SDK1: variants seen among roughly 807,000 people sequenced by gnomAD.
SDK1 encodes protein sidekick-1.
In SDK1, 157 loss-of-function variants were observed where a neutral mutation model predicts 245.5. The observed-to-expected ratio is 0.64, with a 90% confidence interval of 0.56 to 0.73. The LOEUF (loss-of-function observed/expected upper bound fraction) is 0.73. SDK1 is among the 30% of genes least tolerant of loss of function. SDK1 has a pLI of 0.00. For synonymous variants in SDK1, 1,647 were observed against 1,278.5 expected (o/e 1.29, Z -6.15); for missense variants, 3,583 against 3,002.3 (o/e 1.19, Z -4.52).
intron 4 of SDK1, among the ~76,000 whole-genome samples, chr7:3,751,027 C>T (rs528439278): frequency 2.8e-4 from 42 of 152,250 alleles, no homozygotes; most frequent in African/African-American, 9.6e-4. Flanking sequence ...GTGGGCCTGC[C>T]CCCCACCATC....
intron 1 of SDK1, among the ~76,000 whole-genome samples, chr7:3,501,341 C>T (rs1782206401): frequency 1.3e-5 from 2 of 150,978 alleles, no homozygotes; most frequent in African/African-American, 4.9e-5. Context: ...CCAACTTGCT[C>T]TTTCCAACTT....
chr7:3,732,321 A>G lies in SDK1; in HGVS notation c.714-89129A>G, dbSNP rs767391484. On this transcript the variant is annotated intron_variant, in intron 4 of 44. Transcript: ENST00000404826. ...ATAGGCATGTGTAAATAAGAAGAAT[A>G]TATCTTTGTCAAAAAACAGCCACCA... Among the ~76,000 whole-genome samples, 4 of 152,212 alleles carry G rather than the reference A, an allele frequency of 2.6e-5. No individual in the cohort carries two copies. The East Asian group carries it at 5.8e-4, about 22-fold the overall frequency.
intron 4 of SDK1, among the ~76,000 whole-genome samples, chr7:3,816,910 G>C (rs1190641214): frequency 6.6e-6 from 1 of 151,902 alleles, no homozygotes; most frequent in Non-Finnish European, 1.5e-5. Context: ...CCTGCACGCT[G>C]ACCTTCTGTT....
chr7:4,065,496 A>G (rs1210746864), intron 19 of SDK1, among the ~76,000 whole-genome samples: 3 of 152,166 alleles, frequency 2.0e-5, no homozygotes, highest in East Asian at 1.9e-4. Flanking sequence ...TTCCTTCTCC[A>G]TCGATTGAAA....
intron 1 of SDK1, among the ~76,000 whole-genome samples, chr7:3,427,455 G>T (rs1472253644): frequency 6.6e-6 from 1 of 150,940 alleles, no homozygotes; most frequent in Admixed American, 6.6e-5. Context: ...GGAGAGGGAG[G>T]TTGCAGTGAG....
chr7:4,124,566 C>T (rs975526823), intron 25 of SDK1, among the ~76,000 whole-genome samples: 1 of 152,218 alleles, frequency 6.6e-6, no homozygotes, highest in African/African-American at 2.4e-5. Flanking sequence ...GTTACATCTG[C>T]AACAACTGTG....
At chr7:3,379,499 G>T (rs1317801762) in intron 1 of SDK1, among the ~76,000 whole-genome samples, 1 of 152,142 alleles carries the variant, frequency 6.6e-6, no homozygotes, top group Non-Finnish European at 1.5e-5. Context: ...ACAGGATGGG[G>T]AAAGACCTTT....
At chr7:3,539,086 A>G (rs1778979075) in intron 1 of SDK1, among the ~76,000 whole-genome samples, 1 of 152,206 alleles carries the variant, frequency 6.6e-6, no homozygotes, top group African/African-American at 2.4e-5. Context: ...AGACAAGAAG[A>G]CCAAAAGCAG....
intron 1 of SDK1, among the ~76,000 whole-genome samples, chr7:3,567,645 C>T (rs750674182): frequency 4.6e-5 from 7 of 152,130 alleles, no homozygotes; most frequent in Non-Finnish European, 8.8e-5. Flanking sequence ...TTTAATTCTT[C>T]GTTTGTATCA....
At chr7:3,572,785 G>A (rs1471919603) in intron 1 of SDK1, among the ~76,000 whole-genome samples, 1 of 152,092 alleles carries the variant, frequency 6.6e-6, no homozygotes, top group Non-Finnish European at 1.5e-5. Context: ...CTTCAGACAA[G>A]TGCGTGGGCT....
intron 5 of SDK1, among the ~76,000 whole-genome samples, chr7:3,822,426 A>G (rs1246661997): frequency 6.6e-6 from 1 of 152,202 alleles, no homozygotes. Context: ...AGTGGATTTT[A>G]TCTTTTTAAA....
At chr7:3,348,432 G>C (rs1378848952) in intron 1 of SDK1, among the ~76,000 whole-genome samples, 1 of 152,174 alleles carries the variant, frequency 6.6e-6, no homozygotes, top group African/African-American at 2.4e-5. Flanking sequence ...GCTGGAGGTT[G>C]TTAGTGAATT....
In SDK1 at chr7:4,099,713, A is replaced by G. The variant is rs555868229; in HGVS notation, c.3325-10950A>G. ...GCCAGGTCCAGTGGAAGTGGTGGCT[A>G]ATGCACCGTGGGCAGGGCCAAGCAG... On this transcript the variant is annotated intron_variant, in intron 22 of 44. Coordinates refer to ENST00000404826, the MANE Select transcript of SDK1 (RefSeq NM_152744.4). 2.1e-5 allele frequency among the ~76,000 whole-genome samples: 3 copies of G among 143,908 alleles called. 1 individual carries two copies. The highest frequency in any genetic ancestry group is 7.8e-5 in the African/African-American group (3 of 38,698). The allele number at this position is 143,908 out of a possible 152,430, so 94.4% of individuals were successfully genotyped here. A position where few individuals can be genotyped will look rare whatever the true frequency, so the allele number is the denominator to read the frequency against.
At chr7:3,663,037 T>C (rs562935495) in intron 4 of SDK1, among the ~76,000 whole-genome samples, 22 of 152,342 alleles carry the variant, frequency 1.4e-4, no homozygotes. Flanking sequence ...TGTGTGTATG[T>C]ATCAATCAGA....
At chr7:4,089,669 C>G (rs1781665395) in intron 22 of SDK1, among the ~76,000 whole-genome samples, 1 of 152,364 alleles carries the variant, frequency 6.6e-6, no homozygotes, top group Middle Eastern at 3.4e-3. Context: ...CTGGGGCTGC[C>G]TGACTCCTGG....
intron 9 of SDK1, among the ~76,000 whole-genome samples, chr7:3,966,853 T>C (rs1782123327): frequency 6.6e-6 from 1 of 152,076 alleles, no homozygotes; most frequent in African/African-American, 2.4e-5. Flanking sequence ...GCCTGGCTAA[T>C]TTTTCATTTT....
At chr7:3,890,057 C>T (rs1366321316) in intron 5 of SDK1, among the ~76,000 whole-genome samples, 3 of 152,108 alleles carry the variant, frequency 2.0e-5, no homozygotes, top group Non-Finnish European at 4.4e-5. Context: ...TCAAATCAGA[C>T]AGAGCCTTGG....
At chr7:4,029,470 G>C (rs115484876) in intron 17 of SDK1, among the ~76,000 whole-genome samples, 8,773 of 152,110 alleles carry the variant, frequency 0.058, 462 homozygotes, top group African/African-American at 0.13. Flanking sequence ...CTGGGCCTCC[G>C]AAAGTGCTGA....
intron 5 of SDK1, among the ~76,000 whole-genome samples, chr7:3,851,547 A>T (rs1156723259): frequency 1.3e-5 from 2 of 151,648 alleles, no homozygotes; most frequent in African/African-American, 4.9e-5. Context: ...AGGGAATAAT[A>T]ATTGAGATCA....
Sources: allele counts gnomAD v4.1 joint callset (sites outside exome capture counted in the v4.1 genomes callset), GRCh38; gene constraint gnomAD v4.1.1; transcripts MANE v1.5; gene names NCBI Gene and HGNC (gene_info 2026-07-23, HGNC 2026-07-21).